The following TTC3 variants were observed in gnomAD, a reference collection of about 807,000 sequenced individuals.
The protein encoded by TTC3 is tetratricopeptide repeat domain 3.
A neutral mutation model predicts 249.6 loss-of-function variants in TTC3; 180 were observed. The ratio of observed to expected loss-of-function variants is 0.72; its 90% CI spans 0.64 to 0.82. The LOEUF (loss-of-function observed/expected upper bound fraction) is 0.82, where lower values mean the gene tolerates loss of function less well. Among genes scored for constraint, TTC3 ranks in the 40% least tolerant of loss-of-function variants. The probability of loss-of-function intolerance (pLI) is 0.00; values close to 1 mark genes in which losing one functional copy is unlikely to be tolerated. For synonymous variants in TTC3, 717 were observed against 805.0 expected, an observed-to-expected ratio of 0.89 and a Z score of 1.85; for missense variants, 2,061 against 2,398.4, an observed-to-expected ratio of 0.86 and a Z score of 2.94.
At chr21:37,167,713 T>C in intron 34 of TTC3, 93 bp downstream of exon 34, 1 of 895,158 alleles carries the variant, frequency 1.1e-6, no homozygotes, top group Non-Finnish European at 1.7e-6. Flanking sequence ...GGAGTCAGCT[T>C]ATTCCACACA....
intron 27 of TTC3, 40 bp downstream of exon 27, chr21:37,153,317 G>A (rs199570527): frequency 4.2e-5 from 65 of 1,533,702 alleles, no homozygotes; most frequent in South Asian, 1.6e-4. Flanking sequence ...ACTTTAATAC[G>A]AAGGGGAAGT....
intron 34 of TTC3, among the ~76,000 whole-genome samples, chr21:37,169,979 T>C (rs911776974): frequency 2.1e-4 from 32 of 152,086 alleles, no homozygotes; most frequent in Non-Finnish European, 4.3e-4. Context: ...TCATTCCTTA[T>C]ACCAAAATAA....
chr21:37,183,007 C>T, intron 36 of TTC3, 94 bp downstream of exon 36: 1 of 1,085,800 alleles, frequency 9.2e-7, no homozygotes, highest in Non-Finnish European at 1.3e-6. Context: ...TATTAAACTA[C>T]ATCAAGTAAA....
intron 33 of TTC3, 44 bp downstream of exon 33, chr21:37,166,659 T>G: frequency 6.6e-7 from 1 of 1,524,820 alleles, no homozygotes. Context: ...GAAGTTAAAT[T>G]TTCCTTTTCA....
intron 11 of TTC3, among the ~76,000 whole-genome samples, chr21:37,109,684 G>A (rs1260257389): frequency 1.3e-5 from 2 of 152,236 alleles, no homozygotes; most frequent in South Asian, 4.1e-4. Flanking sequence ...AGACTTAAAT[G>A]TCCCTGTCTG....
intron 1 of TTC3, among the ~76,000 whole-genome samples, chr21:37,081,178 C>T (rs1358287645): frequency 3.2e-5 from 4 of 123,714 alleles, no homozygotes; most frequent in Admixed American, 1.1e-4. Flanking sequence ...AGTGCAGTGG[C>T]GCCATCTTGG....
At chr21:37,091,557 T>TCAGTTTCAC in intron 7 of TTC3, 144 bp downstream of exon 7, 1 of 315,644 alleles carries the variant, frequency 3.2e-6, no homozygotes. Flanking sequence ...AAAAGAGAAT[T>TCAGTTTCAC]TCTTTTTTTT....
intron 1 of TTC3, among the ~76,000 whole-genome samples, chr21:37,075,594 C>T (rs1285275235): frequency 6.6e-6 from 1 of 152,186 alleles, no homozygotes; most frequent in Non-Finnish European, 1.5e-5. Flanking sequence ...TACATTTTTG[C>T]CATCTCTTTA....
chr21:37,087,323 C>A, exon 2 of TTC3: 1 of 1,614,018 alleles, frequency 6.2e-7, no homozygotes, highest in Non-Finnish European at 8.5e-7. Context: ...ATTGCCCTCA[C>A]GTGGATGATT....
intron 35 of TTC3, among the ~76,000 whole-genome samples, chr21:37,180,880 C>G (rs1047238304): frequency 2.0e-5 from 3 of 150,224 alleles, no homozygotes; most frequent in Admixed American, 2.0e-4. Flanking sequence ...TATATATTAT[C>G]AAAGGTACCT....
intron 35 of TTC3, among the ~76,000 whole-genome samples, chr21:37,181,572 C>G (rs1238423491): frequency 6.6e-6 from 1 of 152,218 alleles, no homozygotes; most frequent in Non-Finnish European, 1.5e-5. Flanking sequence ...GAACTGGTTC[C>G]TATGTTAAAG....
rs1197168667 is a variant in TTC3, at chr21:37,150,940, T to C, written c.2276+56T>C. The stretch of plus-strand genomic sequence containing the variant: ...GATGATGTCTCTTAGAATATAATTC[T>C]ATTAAATGCAGATTTCTAAATTATG... On this transcript the variant is annotated intron_variant, in intron 25 of 45. Coordinates refer to ENST00000355666, the Ensembl canonical transcript of TTC3. 6.3e-6 allele frequency: 8 copies of C among 1,265,528 alleles called. No homozygotes were observed. The South Asian group carries it at 8.0e-5, about 13-fold the overall frequency. 78.4% of individuals were successfully genotyped at this position (1,265,528 alleles called of 1,614,324 possible). A position where few individuals can be genotyped will look rare whatever the true frequency, so the allele number is the denominator to read the frequency against.
At chr21:37,135,645 G>A (rs1174573753) in intron 18 of TTC3, 131 bp downstream of exon 18, 2 of 1,104,286 alleles carry the variant, frequency 1.8e-6, no homozygotes, top group East Asian at 5.3e-5. Context: ...ATCTACTTCA[G>A]GTTATGGGAA....
In TTC3 at chr21:37,086,873, A is replaced by C. The variant is rs529963814; in HGVS notation, c.-11-374A>C. 5.1e-4 allele frequency: 92 copies of C among 179,550 alleles called. 1 individual carries two copies. The highest frequency in any genetic ancestry group is 3.5e-5 in the Non-Finnish European group (3 of 84,680). The allele number at this position is 179,550 out of a possible 1,614,324, so 11.1% of individuals were successfully genotyped here. ...AAAGCAGGTAGGGTACAAGTGCAGC[A>C]ACAGGAAGATGTCTTTTCTTCATTC... is the stretch of plus-strand genomic sequence containing the variant. On this transcript the variant is annotated intron_variant, in intron 1 of 45. Transcript: ENST00000355666.
At chr21:37,187,056 C>T (rs370563624) in exon 38 of TTC3, 5 of 1,531,342 alleles carry the variant, frequency 3.3e-6, no homozygotes, top group Middle Eastern at 3.5e-4. Context: ...TAGCAACACA[C>T]TTACAAATGA....
chr21:37,089,066 T>C (rs996192141), intron 5 of TTC3, among the ~76,000 whole-genome samples, 180 bp downstream of exon 5: 3 of 152,240 alleles, frequency 2.0e-5, no homozygotes, highest in Non-Finnish European at 4.4e-5. Context: ...ATCAGGGAGA[T>C]GGCTGATGTC....
chr21:37,074,417 G>T (rs1441844528), intron 1 of TTC3, among the ~76,000 whole-genome samples: 1 of 152,198 alleles, frequency 6.6e-6, no homozygotes, highest in Admixed American at 6.5e-5. Flanking sequence ...TGGCGCCCTG[G>T]ACGCCAAAAC....
intron 17 of TTC3, among the ~76,000 whole-genome samples, chr21:37,133,253 G>C (rs1407722882): frequency 2.0e-5 from 3 of 152,116 alleles, no homozygotes; most frequent in Non-Finnish European, 4.4e-5. Flanking sequence ...AACTTAATCA[G>C]ATAATGTTGT....
intron 28 of TTC3, 119 bp downstream of exon 28, chr21:37,157,025 T>G: frequency 7.2e-7 from 1 of 1,396,984 alleles, no homozygotes; most frequent in South Asian, 1.4e-5. Context: ...TATGGTACAA[T>G]CAGTTTATGT....
Sources: allele counts gnomAD v4.1 joint callset (sites outside exome capture counted in the v4.1 genomes callset), GRCh38; gene constraint gnomAD v4.1.1; transcripts MANE v1.5; gene names NCBI Gene and HGNC (gene_info 2026-07-23, HGNC 2026-07-21).